PLEKHA7: variants seen among roughly 807,000 people sequenced by gnomAD.
PLEKHA7 encodes pleckstrin homology domain containing A7, also known as pleckstrin homology domain-containing family A member 7.
PLEKHA7 carries 104 observed loss-of-function variants against 170.0 expected under a neutral mutation model. The observed-to-expected ratio is 0.61, with a 90% CI of 0.52 to 0.72. The LOEUF (loss-of-function observed/expected upper bound fraction) is 0.72. PLEKHA7 is among the 30% of genes least tolerant of loss of function. PLEKHA7 has a pLI of 0.00. For synonymous variants in PLEKHA7, 648 were observed against 660.8 expected (o/e 0.98, Z 0.30); for missense variants, 1,615 against 1,671.7 (o/e 0.97, Z 0.59).
At chr11:16,950,966 C>T (rs941747567) in intron 3 of PLEKHA7, among the ~76,000 whole-genome samples, 2 of 152,198 alleles carry the variant, frequency 1.3e-5, no homozygotes, top group African/African-American at 4.8e-5. Flanking sequence ...AAGCATCCAT[C>T]GCAGGCCTGC....
At chr11:16,876,596 G>T (rs1197908276) in intron 3 of PLEKHA7, among the ~76,000 whole-genome samples, 1 of 152,214 alleles carries the variant, frequency 6.6e-6, no homozygotes, top group Non-Finnish European at 1.5e-5. Context: ...GGGCCAGGAA[G>T]TACTTGGGTT....
chr11:16,814,567 T>C (rs902430044), intron 12 of PLEKHA7, among the ~76,000 whole-genome samples: 7 of 152,196 alleles, frequency 4.6e-5, no homozygotes, highest in African/African-American at 1.7e-4. Context: ...AAGCCCAACG[T>C]TCTTGCAACA....
intron 8 of PLEKHA7, among the ~76,000 whole-genome samples, chr11:16,848,172 G>A (rs546887872): frequency 7.9e-5 from 12 of 152,346 alleles, no homozygotes; most frequent in Admixed American, 5.2e-4. Context: ...AAAAAAGGCA[G>A]CTCTTTCTTG....
At chr11:16,960,814 G>A (rs144987476) in intron 3 of PLEKHA7, among the ~76,000 whole-genome samples, 2 of 152,216 alleles carry the variant, frequency 1.3e-5, no homozygotes, top group African/African-American at 4.8e-5. Flanking sequence ...CTGCCATGAG[G>A]GACCCTACCT....
At chr11:16,786,951 C>T (rs1222519374) in intron 23 of PLEKHA7, 1 of 985,234 alleles carries the variant, frequency 1.0e-6, no homozygotes, top group Non-Finnish European at 1.2e-6. Flanking sequence ...GGCAGAAAAA[C>T]TGCTGTATGA....
chr11:16,961,689 C>T (rs1473349621), intron 3 of PLEKHA7, among the ~76,000 whole-genome samples: 3 of 152,190 alleles, frequency 2.0e-5, no homozygotes, highest in Non-Finnish European at 4.4e-5. Flanking sequence ...TGGCAGGGCC[C>T]GGTGTGTGGA....
intron 3 of PLEKHA7, among the ~76,000 whole-genome samples, chr11:16,892,379 C>T (rs1856678429): frequency 6.8e-6 from 1 of 147,454 alleles, no homozygotes; most frequent in South Asian, 2.1e-4. Flanking sequence ...TAGGTGGTCA[C>T]AGCCATGCAG....
chr11:16,849,618 G>A (rs1430953100), intron 8 of PLEKHA7, among the ~76,000 whole-genome samples: 1 of 152,154 alleles, frequency 6.6e-6, no homozygotes, highest in East Asian at 1.9e-4. Context: ...TACAAAGTGG[G>A]AGCCCTATAA....
chr11:16,852,357 T>G lies in PLEKHA7; in HGVS notation c.523-2A>C, dbSNP rs755334807. On this transcript the variant is annotated splice_acceptor_variant, in intron 6 of 26. Coordinates refer to ENST00000531066, the MANE Select transcript of PLEKHA7 (RefSeq NM_001329630.2). LOFTEE classifies it high-confidence loss of function. ...CCACAGCCTCATCCCAGAACTGTCC[T>G]GCAAAGCAAAGAAAACTAGTCAGGG... is the stretch of plus-strand genomic sequence containing the variant. The G allele has an allele frequency of 6.2e-7, 1 of 1,613,662 alleles. No individual in the cohort carries two copies. The highest frequency in any genetic ancestry group is 8.5e-7 in the Non-Finnish European group (1 of 1,179,800).
intron 3 of PLEKHA7, among the ~76,000 whole-genome samples, chr11:16,872,143 A>G (rs1854910724): frequency 6.6e-6 from 1 of 151,824 alleles, no homozygotes; most frequent in African/African-American, 2.4e-5. Flanking sequence ...TTATTTTTGT[A>G]TTTTTAGTAG....
intron 3 of PLEKHA7, among the ~76,000 whole-genome samples, chr11:16,975,443 A>C (rs1234682859): frequency 6.6e-6 from 1 of 152,166 alleles, no homozygotes; most frequent in Non-Finnish European, 1.5e-5. Context: ...TGATGAGATA[A>C]ACATAAATTA....
chr11:16,920,963 C>T (rs978709769), intron 3 of PLEKHA7, among the ~76,000 whole-genome samples: 1 of 152,204 alleles, frequency 6.6e-6, no homozygotes, highest in African/African-American at 2.4e-5. Context: ...AAAGTGACAG[C>T]CTTTTTGTAA....
intron 10 of PLEKHA7, among the ~76,000 whole-genome samples, chr11:16,818,613 C>T (rs1479802943): frequency 1.3e-5 from 2 of 152,210 alleles, no homozygotes; most frequent in East Asian, 3.9e-4. Context: ...ACTTCCAAGA[C>T]ATGTTTTCCC....
chr11:16,985,515 A>C (rs10832707), intron 3 of PLEKHA7, among the ~76,000 whole-genome samples: 58,527 of 150,012 alleles, frequency 0.39, 11,927 homozygotes, highest in East Asian at 0.56. Context: ...CCAAGAGTGC[A>C]AGGGGCAAGA....
At chr11:16,855,043 A>T (rs757317980) in intron 5 of PLEKHA7, 50 bp from the exon 6 acceptor site, 8 of 1,520,204 alleles carry the variant, frequency 5.3e-6, no homozygotes, top group Non-Finnish European at 7.3e-6. Flanking sequence ...AAGGTGACAC[A>T]AAAAAGCACT....
chr11:16,953,766 T>G (rs759958275), intron 3 of PLEKHA7, among the ~76,000 whole-genome samples: 10 of 152,202 alleles, frequency 6.6e-5, no homozygotes, highest in African/African-American at 1.2e-4. Flanking sequence ...TTCTAGTTTG[T>G]GTTTATTTTT....
chr11:16,800,297 G>T (rs1283355467), intron 17 of PLEKHA7, among the ~76,000 whole-genome samples: 1 of 152,214 alleles, frequency 6.6e-6, no homozygotes, highest in African/African-American at 2.4e-5. Context: ...TGGGCAATTT[G>T]GAACCCAATT....
chr11:16,779,719 G>C (rs1003622451), intron 26 of PLEKHA7, among the ~76,000 whole-genome samples: 2 of 152,128 alleles, frequency 1.3e-5, no homozygotes, highest in East Asian at 1.9e-4. Flanking sequence ...TGTGAGGCAC[G>C]GGGAGCACCC....
chr11:16,823,159 T>A (rs1299598314), intron 10 of PLEKHA7, among the ~76,000 whole-genome samples: 2 of 151,998 alleles, frequency 1.3e-5, no homozygotes, highest in Non-Finnish European at 2.9e-5. Flanking sequence ...CACATCCAGA[T>A]AATTTAAAAA....
Sources: allele counts gnomAD v4.1 joint callset (sites outside exome capture counted in the v4.1 genomes callset), GRCh38; gene constraint gnomAD v4.1.1; transcripts MANE v1.5; gene names NCBI Gene and HGNC (gene_info 2026-07-23, HGNC 2026-07-21).